FBLN2: variants seen among roughly 807,000 people sequenced by gnomAD.
The protein encoded by FBLN2 is fibulin-2.
Under a neutral mutation model 123.7 loss-of-function variants are expected in FBLN2, and 81 were observed. The ratio of observed to expected loss-of-function variants is 0.65; its 90% CI spans 0.55 to 0.79. FBLN2 has a LOEUF of 0.79. FBLN2 is among the 30% of genes least tolerant of loss of function. The probability of loss-of-function intolerance (pLI) is 0.00; values close to 1 mark genes in which losing one functional copy is unlikely to be tolerated. For missense variants in FBLN2, 1,603 were observed against 1,681.3 expected (o/e 0.95, Z 0.81); for synonymous variants, 699 against 701.4 (o/e 1.00, Z 0.05).
intron 1 of FBLN2, chr3:13,569,168 A>G: frequency 1.8e-6 from 1 of 545,988 alleles, no homozygotes; most frequent in Non-Finnish European, 2.3e-6. Flanking sequence ...ACTGGTGAGA[A>G]GGTGGCATTT....
intron 4 of FBLN2, among the ~76,000 whole-genome samples, chr3:13,610,868 G>C (rs1438610982): frequency 6.7e-6 from 1 of 149,182 alleles, no homozygotes; most frequent in East Asian, 2.0e-4. Context: ...ATGAACTCCA[G>C]AAAGGGGCAG....
Position 13,630,826 on chromosome 3 carries a change from C to A in FBLN2, c.3085+11C>A. 6.3e-7 allele frequency: 1 copy of A among 1,577,118 alleles called. No individual in the cohort carries two copies. On this transcript the variant is annotated intron_variant, in intron 15 of 17. Transcript: ENST00000404922. ...GGCACACCTGCACAGGTACCTCTCC[C>A]CTGTCCAAGGGCCCCCTTCCAGAGA...
rs1705595504 is a variant in FBLN2 at position 13,616,131 on chromosome 3, C to T, written c.1730-1945C>T. Among the ~76,000 whole-genome samples, 3 of 152,286 alleles carry T rather than the reference C, an allele frequency of 2.0e-5. No individual in the cohort carries two copies. In the South Asian group the frequency reaches 6.2e-4, roughly 32 times the overall value. ...AACCAGAACAGATGTACCAACCACC[C>T]TTGCCAATCCAATGTGGGTACAGAG... On this transcript the variant is annotated intron_variant, in intron 5 of 17. Transcript: ENST00000404922.
chr3:13,616,429 G>A (rs1340164161), intron 5 of FBLN2, among the ~76,000 whole-genome samples: 1 of 152,190 alleles, frequency 6.6e-6, no homozygotes, highest in African/African-American at 2.4e-5. Flanking sequence ...GTACTGTCTA[G>A]CCTGTGGTGT....
intron 2 of FBLN2, among the ~76,000 whole-genome samples, chr3:13,573,343 A>G (rs1559404121): frequency 6.6e-6 from 1 of 151,182 alleles, no homozygotes; most frequent in South Asian, 2.1e-4. Flanking sequence ...CATCCTCTAC[A>G]TTGCAGCTCA....
rs1272513823 is a variant in FBLN2 at position 13,637,943 on chromosome 3, G to C, written c.*24G>C. On this transcript the variant is annotated 3_prime_UTR_variant, in exon 18 of 18. Coordinates refer to ENST00000404922, the MANE Select transcript of FBLN2 (RefSeq NM_001004019.2). ...GAGGTGCCAGCACGGGCCACCTGCG[G>C]GTGTGGCGCAGCCCAGGGCTCACAC... 6.4e-7 allele frequency: 1 copy of C among 1,551,374 alleles called. No homozygotes were observed. Among genetic ancestry groups the C allele is most frequent in the Non-Finnish European group, 8.8e-7 (1 of 1,141,482 alleles).
At chr3:13,573,963 G>A (rs1457734912) in intron 2 of FBLN2, among the ~76,000 whole-genome samples, 1 of 150,846 alleles carries the variant, frequency 6.6e-6, no homozygotes. Flanking sequence ...CAGAAGAGAA[G>A]CCTGCTTCCA....
chr3:13,617,143 A>ATCCATCCATCCATCCATCC (rs1553621511), intron 5 of FBLN2, among the ~76,000 whole-genome samples: 1,444 of 134,622 alleles, frequency 0.011, 19 homozygotes, highest in Non-Finnish European at 0.012. Flanking sequence ...TCCATTCATC[A>ATCCATCCATCCATCCATCC]ATCCATCCAT....
chr3:13,614,079 C>T lies in FBLN2; in HGVS notation c.1644C>T (p.Val548=). 6.2e-7 allele frequency: 1 copy of T among 1,613,840 alleles called. No individual in the cohort carries two copies. The highest frequency in any genetic ancestry group is 2.2e-5 in the East Asian group (1 of 44,884). ...NPNLGYPCNH[V]MLSCCEGEEP... ...ACCTGGGCTATCCCTGCAATCATGT[C>T]ATGCTCTCCTGCTGTGAGGGTGAAG... is the stretch of plus-strand genomic sequence containing the variant. Residue 548 remains valine, a synonymous_variant, in exon 5 of 18, where the codon GTC becomes GTT. Coordinates refer to ENST00000404922, the MANE Select transcript of FBLN2 (RefSeq NM_001004019.2).
At chr3:13,611,406 G>C (rs13083986) in intron 4 of FBLN2, among the ~76,000 whole-genome samples, 8 of 152,082 alleles carry the variant, frequency 5.3e-5, no homozygotes, top group Non-Finnish European at 1.2e-4. Context: ...AGCTGAAACT[G>C]TTCCCATTAA....
intron 10 of FBLN2, among the ~76,000 whole-genome samples, chr3:13,627,604 G>T (rs568904229): frequency 6.6e-6 from 1 of 152,324 alleles, no homozygotes; most frequent in African/African-American, 2.4e-5. Context: ...CATCTCAGGT[G>T]CTCAGAACAA....
intron 1 of FBLN2, among the ~76,000 whole-genome samples, chr3:13,562,380 G>A (rs1270838428): frequency 5.0e-5 from 7 of 141,108 alleles, no homozygotes; most frequent in Non-Finnish European, 7.6e-5. Context: ...TTTTTGTGAC[G>A]GAGTCTTGCC....
chr3:13,572,224 G>A (rs75330051), intron 2 of FBLN2, among the ~76,000 whole-genome samples: 4,169 of 152,322 alleles, frequency 0.027, 198 homozygotes, highest in African/African-American at 0.095. Context: ...GGACAGAGGC[G>A]AGGTGGGTGG....
At position 13,549,195 on chromosome 3, in the gene FBLN2, C is replaced by G. The variant is rs914069576; in HGVS notation, c.-55C>G. 96 of 983,098 alleles carry G rather than the reference C, an allele frequency of 9.8e-5. No individual in the cohort carries two copies. Among genetic ancestry groups the G allele is most frequent in the Admixed American group, 4.3e-4 (7 of 16,100 alleles). The allele number at this position is 983,098 out of a possible 1,614,324, so 60.9% of individuals were successfully genotyped here. On this transcript the variant is annotated 5_prime_UTR_variant, in exon 1 of 18. Transcript: ENST00000404922. ...GGCGGACGGACGGACGGACGCCGAGCGCAGTGCCCCGCGGTGAGTGCACGC... is the reference window on the plus strand; with the variant it reads ...GGCGGACGGACGGACGGACGCCGAGGGCAGTGCCCCGCGGTGAGTGCACGC...
At chr3:13,608,671 C>T (rs1334271741) in intron 3 of FBLN2, among the ~76,000 whole-genome samples, 1 of 152,162 alleles carries the variant, frequency 6.6e-6, no homozygotes, top group African/African-American at 2.4e-5. Flanking sequence ...CCTTTATCCC[C>T]ATGCCTTCCC....
chr3:13,551,640 C>T (rs752350751), intron 1 of FBLN2, among the ~76,000 whole-genome samples: 26 of 152,132 alleles, frequency 1.7e-4, no homozygotes, highest in Non-Finnish European at 3.1e-4. Flanking sequence ...GCCCTGAGCC[C>T]ATCCACACCT....
intron 2 of FBLN2, among the ~76,000 whole-genome samples, chr3:13,573,630 G>A (rs988877010): frequency 2.0e-5 from 3 of 152,158 alleles, no homozygotes; most frequent in South Asian, 4.1e-4. Context: ...TGGGCCGGGC[G>A]TGGTGGCTCA....
rs750343453 is a variant in FBLN2 at position 13,570,416 on chromosome 3, G to C, written c.61G>C (p.Gly21Arg). The change falls in exon 2 of 18, where the codon GGC becomes CGC. Residue 21 changes from glycine (G) to arginine (R), a missense_variant. Gly to Arg is a moderately radical substitution (Grantham distance 125, BLOSUM62 -2). Coordinates refer to ENST00000404922, the MANE Select transcript of FBLN2 (RefSeq NM_001004019.2). Reference protein sequence around the residue: ...WLALGLALALGPSVAAAAPRQ... With the variant: ...WLALGLALALRPSVAAAAPRQ... Reference sequence around the variant, plus strand: ...TGCTCTGGGCCTGGCCCTGGCCCTGGGCCCCAGCGTGGCCGCAGCTGCCCC... The same window carrying C: ...TGCTCTGGGCCTGGCCCTGGCCCTGCGCCCCAGCGTGGCCGCAGCTGCCCC... 6.3e-7 allele frequency: 1 copy of C among 1,576,754 alleles called. No homozygotes were observed. The highest frequency in any genetic ancestry group is 1.2e-5 in the South Asian group (1 of 86,046).
chr3:13,557,518 C>G (rs560117495), intron 1 of FBLN2, among the ~76,000 whole-genome samples: 44 of 152,356 alleles, frequency 2.9e-4, no homozygotes, highest in African/African-American at 1.0e-3. Flanking sequence ...ATCTCTTGCT[C>G]TGCTGTTCTC....
Sources: gnomAD v4.1 joint callset for allele counts (sites outside exome capture counted in the v4.1 genomes callset) on GRCh38, gnomAD v4.1.1 for gene constraint, MANE v1.5 for transcripts, NCBI Gene and HGNC (gene_info 2026-07-23, HGNC 2026-07-21) for gene names.